PDGFD: variants seen among roughly 807,000 people sequenced by gnomAD.
The protein encoded by PDGFD is platelet derived growth factor D.
In PDGFD, 30 loss-of-function variants were observed where a neutral mutation model predicts 44.7. That is an observed-to-expected ratio of 0.67 (90% CI 0.50 to 0.91). PDGFD has a LOEUF of 0.91. PDGFD is among the 40% of genes least tolerant of loss of function. PDGFD has a pLI of 0.00. For missense variants in PDGFD, 445 were observed against 457.8 expected (o/e 0.97, Z 0.25); for synonymous variants, 173 against 168.4 (o/e 1.03, Z -0.21).
chr11:104,047,137 T>A (rs756290562), intron 1 of PDGFD, among the ~76,000 whole-genome samples: 7 of 147,576 alleles, frequency 4.7e-5, no homozygotes, highest in Non-Finnish European at 7.6e-5. Flanking sequence ...GTCCAGTCTA[T>A]CATTGATGGG....
At chr11:103,942,287 C>A (rs1858596985) in intron 5 of PDGFD, among the ~76,000 whole-genome samples, 1 of 151,976 alleles carries the variant, frequency 6.6e-6, no homozygotes. Flanking sequence ...TTATAACAAA[C>A]CTTATCAAAT....
intron 1 of PDGFD, among the ~76,000 whole-genome samples, chr11:104,074,272 T>C (rs1460241168): frequency 6.6e-6 from 1 of 152,208 alleles, no homozygotes; most frequent in Non-Finnish European, 1.5e-5. Flanking sequence ...AGCTGGCCCA[T>C]GAACTTGCGA....
At chr11:104,035,561 CTTTTTTTTTTTTTTTT>C (rs3050598) in intron 1 of PDGFD, among the ~76,000 whole-genome samples, 1 of 115,286 alleles carries the variant, frequency 8.7e-6, no homozygotes, top group Non-Finnish European at 1.7e-5. Flanking sequence ...ACTTCTTTTT[CTTTTTTTTTTTTTTTT>C]TTTTTGGAGG....
intron 1 of PDGFD, among the ~76,000 whole-genome samples, chr11:104,017,951 A>C (rs1859884841): frequency 6.6e-6 from 1 of 152,192 alleles, no homozygotes; most frequent in Non-Finnish European, 1.5e-5. Flanking sequence ...TACAGTGACT[A>C]CTGTGGTTCT....
At position 104,041,036 on chromosome 11, in the gene PDGFD, G is replaced by A. The variant is rs75936346; in HGVS notation, c.125-40781C>T. ...CTTTATCTGACATATTTTAATGCTA[G>A]GTCAAAAACTGCAAAATTCTTACAA... On this transcript the variant is annotated intron_variant, in intron 1 of 6. Transcript: ENST00000393158. Among the ~76,000 whole-genome samples, 1,024 of 151,826 alleles carry A rather than the reference G, an allele frequency of 6.7e-3. 17 individuals carry two copies. The highest frequency in any genetic ancestry group is 0.023 in the African/African-American group (945 of 41,450).
intron 3 of PDGFD, among the ~76,000 whole-genome samples, chr11:103,977,797 G>C (rs1859205685): frequency 6.6e-6 from 1 of 151,948 alleles, no homozygotes; most frequent in Non-Finnish European, 1.5e-5. Flanking sequence ...TGTATTTGAG[G>C]GTAATGGGAT....
intron 3 of PDGFD, among the ~76,000 whole-genome samples, chr11:103,988,580 G>A (rs1382502926): frequency 3.9e-5 from 6 of 152,128 alleles, no homozygotes; most frequent in Admixed American, 1.3e-4. Flanking sequence ...AACCGCGCCC[G>A]TGGATACAGA....
At chr11:103,969,474 G>GTTTTTTTTTT (rs66571550) in intron 3 of PDGFD, among the ~76,000 whole-genome samples, 3 of 89,808 alleles carry the variant, frequency 3.3e-5, no homozygotes, top group African/African-American at 4.4e-5. Context: ...ACCAAGCCTG[G>GTTTTTTTTTT]TTTTTTTTTT....
chr11:103,978,035 G>A (rs991272462), intron 3 of PDGFD, among the ~76,000 whole-genome samples: 2 of 152,180 alleles, frequency 1.3e-5, no homozygotes, highest in Non-Finnish European at 2.9e-5. Flanking sequence ...TAGGATATGA[G>A]ATTGCTGCAG....
intron 3 of PDGFD, among the ~76,000 whole-genome samples, chr11:103,969,474 GTT>G (rs66571550): frequency 1.0e-3 from 90 of 89,792 alleles, no homozygotes; most frequent in East Asian, 2.8e-3. Flanking sequence ...ACCAAGCCTG[GTT>G]TTTTTTTTTT....
intron 1 of PDGFD, among the ~76,000 whole-genome samples, chr11:104,058,255 T>A (rs767936599): frequency 6.6e-6 from 1 of 152,152 alleles, no homozygotes; most frequent in African/African-American, 2.4e-5. Flanking sequence ...ACGTACATGA[T>A]AAATGTCGAA....
At chr11:104,147,981 C>G (rs1428833845) in intron 1 of PDGFD, among the ~76,000 whole-genome samples, 1 of 152,138 alleles carries the variant, frequency 6.6e-6, no homozygotes, top group African/African-American at 2.4e-5. Context: ...AGTATCAATG[C>G]TGATTAAACA....
At chr11:104,024,519 A>G (rs1362721841) in intron 1 of PDGFD, among the ~76,000 whole-genome samples, 1 of 152,164 alleles carries the variant, frequency 6.6e-6, no homozygotes, top group Admixed American at 6.5e-5. Context: ...AGATCATAAC[A>G]TTGTATTTTT....
chr11:104,119,165 ATATAATATATTAATATAAT>A lies in PDGFD; in HGVS notation c.124+44620_124+44638del, dbSNP rs1283700086. On this transcript the variant is annotated intron_variant, in intron 1 of 6. Coordinates refer to ENST00000393158, the MANE Select transcript of PDGFD (RefSeq NM_025208.5). ...TATTAATATAATATATTGATATAAC[ATATAATATATTAATATAAT>A]ATATTGATATAATATATAATATATT... is the stretch of plus-strand genomic sequence containing the variant. 2.0e-4 allele frequency among the ~76,000 whole-genome samples: 2 copies of A among 9,846 alleles called. 1 individual carries two copies. Among genetic ancestry groups the A allele is most frequent in the African/African-American group, 6.0e-4 (2 of 3,350 alleles). 6.5% of individuals were successfully genotyped at this position (9,846 alleles called of 152,430 possible). A position where few individuals can be genotyped will look rare whatever the true frequency, so the allele number is the denominator to read the frequency against.
intron 1 of PDGFD, among the ~76,000 whole-genome samples, chr11:104,010,516 A>G (rs1331231707): frequency 1.3e-5 from 2 of 152,118 alleles, no homozygotes; most frequent in Non-Finnish European, 2.9e-5. Flanking sequence ...TTAGTGAGCG[A>G]TCATATTCTT....
At chr11:104,024,078 A>G (rs962324115) in intron 1 of PDGFD, among the ~76,000 whole-genome samples, 2 of 152,174 alleles carry the variant, frequency 1.3e-5, no homozygotes, top group South Asian at 4.1e-4. Context: ...TCAGGAAAAA[A>G]TGTCACATGA....
intron 3 of PDGFD, among the ~76,000 whole-genome samples, chr11:103,972,388 G>T (rs916431002): frequency 1.3e-5 from 2 of 152,180 alleles, no homozygotes; most frequent in African/African-American, 4.8e-5. Flanking sequence ...ACCACTGCTA[G>T]AGCAAGGTGG....
intron 3 of PDGFD, among the ~76,000 whole-genome samples, chr11:103,965,199 A>G (rs1858997447): frequency 6.6e-6 from 1 of 152,142 alleles, no homozygotes; most frequent in African/African-American, 2.4e-5. Context: ...GCCAGGGGAA[A>G]CTTATCAGTT....
At chr11:103,916,072 A>G (rs1415109804) in intron 6 of PDGFD, among the ~76,000 whole-genome samples, 2 of 152,242 alleles carry the variant, frequency 1.3e-5, no homozygotes, top group African/African-American at 2.4e-5. Flanking sequence ...AATGGCAACA[A>G]AAGCCAAAAT....
Sources: allele counts gnomAD v4.1 joint callset (sites outside exome capture counted in the v4.1 genomes callset), GRCh38; gene constraint gnomAD v4.1.1; transcripts MANE v1.5; gene names NCBI Gene and HGNC (gene_info 2026-07-23, HGNC 2026-07-21).